Variants in C16orf96 observed in about 807,000 individuals in gnomAD.
C16orf96 encodes the protein chromosome 16 open reading frame 96.
C16orf96 carries 108 observed loss-of-function variants against 103.6 expected under a neutral mutation model. The ratio of observed to expected loss-of-function variants is 1.04; its 90% CI spans 0.89 to 1.22. The LOEUF (loss-of-function observed/expected upper bound fraction) is 1.22. C16orf96 is among the 50% of genes most tolerant of loss of function. The pLI is 0.00. For missense variants in C16orf96, 1,586 were observed against 1,464.2 expected (o/e 1.08, Z -1.36); for synonymous variants, 566 against 593.5 (o/e 0.95, Z 0.67).
intron 14 of C16orf96, among the ~76,000 whole-genome samples, chr16:4,598,080 A>G (rs1420792789): frequency 1.3e-5 from 2 of 152,140 alleles, no homozygotes; most frequent in Non-Finnish European, 2.9e-5. Flanking sequence ...AGCCAGGTAT[A>G]GTGGCTTACA....
chr16:4,544,081 G>C, the C16orf96 span, among the ~76,000 whole-genome samples: 4 of 152,180 alleles, frequency 2.6e-5, no homozygotes, highest in African/African-American at 9.7e-5. Flanking sequence ...GGTCATAGAG[G>C]GGGTAGGGCC....
upstream of C16orf96, among the ~76,000 whole-genome samples, chr16:4,551,662 C>G (rs1386459108): frequency 8.1e-3 from 1 of 124 alleles, no homozygotes; most frequent in Non-Finnish European, 0.017. Context: ...ACCATGTTAG[C>G]CAGGATGTCT....
the C16orf96 span, among the ~76,000 whole-genome samples, chr16:4,550,419 C>T: frequency 6.6e-6 from 1 of 152,190 alleles, no homozygotes; most frequent in African/African-American, 2.4e-5. Context: ...CACATCAGAG[C>T]AAACACTGAC....
chr16:4,552,397 G>A (rs554083116), upstream of C16orf96, among the ~76,000 whole-genome samples: 4 of 149,924 alleles, frequency 2.7e-5, no homozygotes, highest in East Asian at 3.9e-4. Flanking sequence ...CAGGAGAGTC[G>A]CTTGAACCCA....
chr16:4,587,765 T>A (rs1314557357), intron 8 of C16orf96, among the ~76,000 whole-genome samples: 1 of 151,366 alleles, frequency 6.6e-6, no homozygotes, highest in East Asian at 1.9e-4. Flanking sequence ...GAAGATCACA[T>A]CTCTACAAAA....
At chr16:4,590,584 A>ATAAT (rs995267601) in intron 9 of C16orf96, among the ~76,000 whole-genome samples, 5 of 150,000 alleles carry the variant, frequency 3.3e-5, no homozygotes, top group Non-Finnish European at 7.4e-5. Flanking sequence ...AAATAAATAA[A>ATAAT]ATAAAAGTAA....
At chr16:4,594,166 T>C (rs1451382154) in intron 12 of C16orf96, among the ~76,000 whole-genome samples, 185 bp from the exon 13 acceptor site, 1 of 152,202 alleles carries the variant, frequency 6.6e-6, no homozygotes, top group Non-Finnish European at 1.5e-5. Flanking sequence ...TCAATTTGAT[T>C]CCTCTGCCCC....
chr16:4,574,572 C>A, intron 2 of C16orf96, 137 bp from the exon 3 acceptor site: 1 of 696,018 alleles, frequency 1.4e-6, no homozygotes, highest in Middle Eastern at 2.7e-4. Context: ...CCATGGAACC[C>A]TTTCCCACTC....
chr16:4,573,090 A>T (rs1051400326), intron 2 of C16orf96, among the ~76,000 whole-genome samples: 9 of 152,074 alleles, frequency 5.9e-5, no homozygotes, highest in Non-Finnish European at 1.3e-4. Context: ...ACGCTGTTAA[A>T]AGCTGCATCA....
intron 2 of C16orf96, among the ~76,000 whole-genome samples, chr16:4,573,646 G>A (rs1181803234): frequency 6.7e-6 from 1 of 150,202 alleles, no homozygotes; most frequent in East Asian, 2.0e-4. Flanking sequence ...CAGTTACTCA[G>A]GAGGCTGAGG....
Position 4,600,497 on chromosome 16 carries a change from C to CA in C16orf96, c.*180_*181insA. The CA allele has an allele frequency of 2.1e-6, 1 of 484,854 alleles. No individual in the cohort carries two copies. The allele number at this position is 484,854 out of a possible 1,614,324, so 30.0% of individuals were successfully genotyped here. On this transcript the variant is annotated 3_prime_UTR_variant, in exon 16 of 16. Coordinates refer to ENST00000444310, the MANE Select transcript of C16orf96 (RefSeq NM_001145011.2). ...GAGGCTGAGGCTCATGCGCCCCCCC[C>CA]CATCCCTACCAAGTCCCCTCCACGT...
intron 9 of C16orf96, among the ~76,000 whole-genome samples, chr16:4,590,928 A>T (rs1897044836): frequency 6.6e-6 from 1 of 151,098 alleles, no homozygotes; most frequent in South Asian, 2.1e-4. Flanking sequence ...GCTACTTGGG[A>T]GGCTGAGGCA....
At position 4,568,383 on chromosome 16, in the gene C16orf96, G is replaced by A. The variant is rs139662855; in HGVS notation, c.421-3178G>A. ...CTACCATTGTTGAGTGGGGTATTCC[G>A]TAGATATCTGTTATGTCTAGTTGGT... On this transcript the variant is annotated intron_variant, in intron 1 of 15. Coordinates refer to ENST00000444310, the MANE Select transcript of C16orf96 (RefSeq NM_001145011.2). Among the ~76,000 whole-genome samples, 334 of 152,194 alleles carry A rather than the reference G, an allele frequency of 2.2e-3. 1 individual carries two copies. Among genetic ancestry groups the A allele is most frequent in the African/African-American group, 7.4e-3 (309 of 41,516 alleles).
intron 9 of C16orf96, among the ~76,000 whole-genome samples, chr16:4,590,313 CT>C: frequency 6.6e-6 from 1 of 151,966 alleles, no homozygotes; most frequent in Admixed American, 6.6e-5. Context: ...AATCCCAGCA[CT>C]TTGAGAGGCA....
Position 4,589,394 on chromosome 16 carries a change from C to T in C16orf96, c.2592+1063C>T, listed in dbSNP as rs142027389. Among the ~76,000 whole-genome samples the T allele has an allele frequency of 1.7e-3, 240 of 139,034 alleles. 2 individuals are homozygous for T. Among genetic ancestry groups the T allele is most frequent in the African/African-American group, 6.1e-3 (230 of 37,574 alleles). The allele number at this position is 139,034 out of a possible 152,430, so 91.2% of individuals were successfully genotyped here. A position where few individuals can be genotyped will look rare whatever the true frequency, so the allele number is the denominator to read the frequency against. On this transcript the variant is annotated intron_variant, in intron 9 of 15. Coordinates refer to ENST00000444310, the MANE Select transcript of C16orf96 (RefSeq NM_001145011.2). ...AGGAGTTCAAGACCAGCCTGGGCAA[C>T]ATGGTGAAACTCTGTCCCCCTACCA...
upstream of C16orf96, among the ~76,000 whole-genome samples, chr16:4,551,679 C>T (rs1567433060): frequency 6.6e-6 from 1 of 151,824 alleles, no homozygotes; most frequent in Non-Finnish European, 1.5e-5. Flanking sequence ...GTCTCCATCT[C>T]CTGACCTCGT....
intron 1 of C16orf96, among the ~76,000 whole-genome samples, 159 bp downstream of exon 1, chr16:4,557,068 C>T (rs2059273423): frequency 6.6e-6 from 1 of 152,154 alleles, no homozygotes; most frequent in African/African-American, 2.4e-5. Flanking sequence ...CTCCCGGGTT[C>T]AAGTGATTCT....
chr16:4,594,312 G>A (rs745588620), intron 12 of C16orf96, 39 bp from the exon 13 acceptor site: 1 of 1,544,072 alleles, frequency 6.5e-7, no homozygotes, highest in South Asian at 1.2e-5. Flanking sequence ...CTGGGGTACA[G>A]GGTCTCCAGG....
At chr16:4,557,249 C>T (rs1281360174) in intron 1 of C16orf96, among the ~76,000 whole-genome samples, 3 of 152,110 alleles carry the variant, frequency 2.0e-5, no homozygotes, top group East Asian at 1.9e-4. Flanking sequence ...GGATGACAAG[C>T]GTGAGCCACT....
Sources: allele counts gnomAD v4.1 joint callset (sites outside exome capture counted in the v4.1 genomes callset), GRCh38; gene constraint gnomAD v4.1.1; transcripts MANE v1.5; gene names NCBI Gene and HGNC (gene_info 2026-07-23, HGNC 2026-07-21).